Variants in TSPAN5 observed in about 807,000 individuals in gnomAD.
The protein encoded by TSPAN5 is tetraspanin 5, also known as tetraspanin-5.
Under a neutral mutation model 37.1 loss-of-function variants are expected in TSPAN5, and 10 were observed. The ratio of observed to expected loss-of-function variants is 0.27; its 90% CI spans 0.17 to 0.46. The LOEUF (loss-of-function observed/expected upper bound fraction) is 0.46, where lower values mean the gene tolerates loss of function less well. Ranked by LOEUF, TSPAN5 falls within the 20% of genes least tolerant of loss-of-function variation. The pLI is 1.00. For synonymous variants in TSPAN5, 110 were observed against 118.9 expected (o/e 0.93, Z 0.48); for missense variants, 195 against 326.6 (o/e 0.60, Z 3.11).
chr4:98,561,161 T>C (rs114638968), intron 1 of TSPAN5, among the ~76,000 whole-genome samples: 3,114 of 152,318 alleles, frequency 0.02, 100 homozygotes, highest in African/African-American at 0.071. Context: ...GAAACAAATA[T>C]ATCCACTCCA....
At chr4:98,568,938 G>A (rs2110179006) in intron 1 of TSPAN5, among the ~76,000 whole-genome samples, 2 of 152,296 alleles carry the variant, frequency 1.3e-5, no homozygotes, top group East Asian at 1.9e-4. Flanking sequence ...AGTGAGAAAG[G>A]GCCTGAGGCA....
rs759897140 is a variant in TSPAN5, at chr4:98,476,284, T to C, written c.646A>G (p.Ile216Val). ...QKPEVDQQIVIYTKGCVPQFE... is the reference protein window; with the variant it reads ...QKPEVDQQIVVYTKGCVPQFE... Reference sequence around the variant, plus strand: ...TGGGGCACACAGCCTTTCGTGTAGATTACAATCTGCTGGTCAACTTCCTTC... The same window carrying C: ...TGGGGCACACAGCCTTTCGTGTAGACTACAATCTGCTGGTCAACTTCCTTC... Residue 216 changes from isoleucine (I) to valine (V), a missense_variant, in exon 7 of 8, where the codon ATC becomes GTC. By Grantham distance (29) the Ile-to-Val change is conservative. Coordinates refer to ENST00000305798, the MANE Select transcript of TSPAN5 (RefSeq NM_005723.4). 1 of 1,614,178 alleles carries C rather than the reference T, an allele frequency of 6.2e-7. No homozygotes were observed. The highest frequency in any genetic ancestry group is 1.1e-5 in the South Asian group (1 of 91,078).
chr4:98,614,621 G>A lies in TSPAN5; in HGVS notation c.81+43525C>T, dbSNP rs1036977047. 6.6e-5 allele frequency among the ~76,000 whole-genome samples: 10 copies of A among 152,192 alleles called. No individual in the cohort carries two copies. The South Asian group carries it at 1.2e-3, about 19-fold the overall frequency. ...TAAGAAAATGACAAAACATTTTAAC[G>A]CCTATATTGAACAAATTAACATTTC... On this transcript the variant is annotated intron_variant, in intron 1 of 7. Coordinates refer to ENST00000305798, the MANE Select transcript of TSPAN5 (RefSeq NM_005723.4).
intron 7 of TSPAN5, among the ~76,000 whole-genome samples, chr4:98,473,422 C>T (rs936371589): frequency 1.3e-5 from 2 of 151,162 alleles, no homozygotes; most frequent in South Asian, 2.1e-4. Context: ...TGACTACTGA[C>T]GTTGGCATCT....
chr4:98,658,270 G>C lies in TSPAN5; in HGVS notation c.-44C>G, dbSNP rs781167950. 1.3e-6 allele frequency: 2 copies of C among 1,513,440 alleles called. No individual in the cohort carries two copies. The highest frequency in any genetic ancestry group is 1.1e-5 in the South Asian group (1 of 88,940). 93.8% of individuals were successfully genotyped at this position (1,513,440 alleles called of 1,614,324 possible). A position where few individuals can be genotyped will look rare whatever the true frequency, so the allele number is the denominator to read the frequency against. Reference sequence around the variant, plus strand: ...CACTTGCCCCGGCAGCCCGAGTTTGGAGCTCCGAAGCACCGTTGCTCGGAG... The same window carrying C: ...CACTTGCCCCGGCAGCCCGAGTTTGCAGCTCCGAAGCACCGTTGCTCGGAG... On this transcript the variant is annotated 5_prime_UTR_variant, in exon 1 of 8. Transcript: ENST00000305798.
At chr4:98,636,891 A>G (rs1202328865) in intron 1 of TSPAN5, among the ~76,000 whole-genome samples, 4 of 152,228 alleles carry the variant, frequency 2.6e-5, no homozygotes, top group Admixed American at 6.5e-5. Flanking sequence ...CAGCAACTGC[A>G]GGTCTTTTGG....
chr4:98,566,073 G>C (rs1192840341), intron 1 of TSPAN5, among the ~76,000 whole-genome samples: 1 of 152,172 alleles, frequency 6.6e-6, no homozygotes, highest in African/African-American at 2.4e-5. Context: ...GAGGAAAGGG[G>C]AGGGGAGGCA....
intron 1 of TSPAN5, among the ~76,000 whole-genome samples, chr4:98,645,856 G>T (rs1757056340): frequency 6.6e-6 from 1 of 152,136 alleles, no homozygotes; most frequent in African/African-American, 2.4e-5. Flanking sequence ...TTCCTGTTGT[G>T]CTACATATAT....
intron 1 of TSPAN5, among the ~76,000 whole-genome samples, chr4:98,516,412 A>C (rs1753729998): frequency 6.6e-6 from 1 of 152,216 alleles, no homozygotes; most frequent in African/African-American, 2.4e-5. Flanking sequence ...AGAGACCCAG[A>C]GTAGCTTATG....
chr4:98,640,164 A>G, intron 1 of TSPAN5, among the ~76,000 whole-genome samples: 1 of 152,222 alleles, frequency 6.6e-6, no homozygotes, highest in East Asian at 1.9e-4. Context: ...ATATAAATTC[A>G]ATTAGAGAAT....
chr4:98,624,977 C>A (rs1756563470), intron 1 of TSPAN5, among the ~76,000 whole-genome samples: 2 of 152,148 alleles, frequency 1.3e-5, no homozygotes, highest in Non-Finnish European at 2.9e-5. Context: ...AAAAAACCAT[C>A]ATTGAAAATT....
intron 1 of TSPAN5, among the ~76,000 whole-genome samples, chr4:98,551,934 G>A (rs1310002292): frequency 1.3e-5 from 2 of 152,038 alleles, no homozygotes; most frequent in Non-Finnish European, 2.9e-5. Context: ...TTCAATCTCA[G>A]GAGGTTGTGT....
chr4:98,505,362 C>T (rs1320513127), intron 2 of TSPAN5, among the ~76,000 whole-genome samples: 1 of 152,198 alleles, frequency 6.6e-6, no homozygotes, highest in Non-Finnish European at 1.5e-5. Context: ...CTCTTCTTGT[C>T]CTTGCTTTCT....
At chr4:98,599,924 A>C (rs1408474684) in intron 1 of TSPAN5, among the ~76,000 whole-genome samples, 1 of 152,192 alleles carries the variant, frequency 6.6e-6, no homozygotes, top group Non-Finnish European at 1.5e-5. Flanking sequence ...ACATGTTTTA[A>C]CTTATCTTGG....
intron 1 of TSPAN5, among the ~76,000 whole-genome samples, chr4:98,539,156 A>C (rs1754302906): frequency 6.7e-6 from 1 of 148,554 alleles, no homozygotes; most frequent in Admixed American, 6.8e-5. Flanking sequence ...AAAAAAAAAA[A>C]CCAAAAAACC....
intron 1 of TSPAN5, among the ~76,000 whole-genome samples, chr4:98,591,571 A>C (rs983397806): frequency 6.8e-5 from 6 of 88,466 alleles, no homozygotes; most frequent in African/African-American, 2.9e-4. Context: ...GGTGTGCTGT[A>C]AGTGTAAAAA....
Position 98,491,563 on chromosome 4 carries a change from C to T in TSPAN5, c.133-4679G>A, listed in dbSNP as rs139492700. Among the ~76,000 whole-genome samples the T allele has an allele frequency of 6.1e-3, 936 of 152,202 alleles. 11 individuals are homozygous for T. The highest frequency in any genetic ancestry group is 0.021 in the African/African-American group (890 of 41,526). ...ATGAGCTGCACGTGGTGGTACCTGC[C>T]TGTAATCCCAGCTACTCGAGAGGCT... On this transcript the variant is annotated intron_variant, in intron 2 of 7. Transcript: ENST00000305798.
At chr4:98,551,832 C>T (rs1374804838) in intron 1 of TSPAN5, among the ~76,000 whole-genome samples, 2 of 152,016 alleles carry the variant, frequency 1.3e-5, no homozygotes, top group Non-Finnish European at 2.9e-5. Flanking sequence ...TTGCCTGTGA[C>T]TGCATCTGGT....
chr4:98,542,484 G>C (rs1215776430), intron 1 of TSPAN5, among the ~76,000 whole-genome samples: 1 of 151,932 alleles, frequency 6.6e-6, no homozygotes, highest in African/African-American at 2.4e-5. Flanking sequence ...GGGAGGCAGA[G>C]GTGGCAGGAT....
Sources: allele counts gnomAD v4.1 joint callset (sites outside exome capture counted in the v4.1 genomes callset), GRCh38; gene constraint gnomAD v4.1.1; transcripts MANE v1.5; gene names NCBI Gene and HGNC (gene_info 2026-07-23, HGNC 2026-07-21).